PRKN: variants seen among roughly 807,000 people sequenced by gnomAD.
PRKN encodes E3 ubiquitin-protein ligase parkin.
In PRKN, 56 loss-of-function variants were observed where a neutral mutation model predicts 59.5. The ratio of observed to expected loss-of-function variants is 0.94; its 90% CI spans 0.76 to 1.18. PRKN has a LOEUF of 1.18. Ranked by LOEUF, PRKN falls within the 50% of genes most tolerant of loss-of-function variation. PRKN has a pLI of 0.00. For synonymous variants in PRKN, 250 were observed against 222.1 expected, an observed-to-expected ratio of 1.13 and a Z score of -1.12; for missense variants, 657 against 596.4, an observed-to-expected ratio of 1.10 and a Z score of -1.06.
At chr6:161,864,365 G>A (rs7756795) in intron 6 of PRKN, among the ~76,000 whole-genome samples, 10,836 of 152,082 alleles carry the variant, frequency 0.071, 1,291 homozygotes, top group African/African-American at 0.25. Flanking sequence ...CATAAGATGC[G>A]ATTCCTCACC....
chr6:161,779,434 T>TCTTTC (rs1790098998), intron 7 of PRKN, among the ~76,000 whole-genome samples: 5 of 96,600 alleles, frequency 5.2e-5, no homozygotes, highest in Non-Finnish European at 1.0e-4. Flanking sequence ...CTTTTTCTTT[T>TCTTTC]CTTTTCTTTT....
chr6:162,377,000 C>T (rs908883018), intron 2 of PRKN, among the ~76,000 whole-genome samples: 1 of 151,936 alleles, frequency 6.6e-6, no homozygotes, highest in Admixed American at 6.6e-5. Context: ...TTGAGTCATG[C>T]GCTGGACACA....
intron 2 of PRKN, among the ~76,000 whole-genome samples, chr6:162,370,129 C>T (rs921488271): frequency 4.6e-5 from 7 of 152,114 alleles, no homozygotes; most frequent in African/African-American, 9.7e-5. Context: ...TCACTGTAGT[C>T]GAAATGTTTC....
At chr6:161,759,829 G>C (rs1367352525) in intron 7 of PRKN, among the ~76,000 whole-genome samples, 1 of 152,030 alleles carries the variant, frequency 6.6e-6, no homozygotes, top group Non-Finnish European at 1.5e-5. Context: ...CCCAGATTTA[G>C]AAATATGTAC....
Position 161,353,974 on chromosome 6 carries a change from G to C in PRKN, c.1286-3763C>G, listed in dbSNP as rs1784658670. On this transcript the variant is annotated intron_variant, in intron 11 of 11. Transcript: ENST00000366898. The surrounding 1 kb of genome is among the most constrained non-coding windows in gnomAD (Gnocchi z 4.8). ...TGTGCTGACTGTTGTTATTGAATGA[G>C]AGAATAGAAGAAGCATGTTGTTTGT... 6.6e-6 allele frequency among the ~76,000 whole-genome samples: 1 copy of C among 152,184 alleles called. No homozygotes were observed. The highest frequency in any genetic ancestry group is 1.5e-5 in the Non-Finnish European group (1 of 68,034).
At chr6:161,906,659 C>CACATATATATATATATATATATAT (rs1778154516) in intron 6 of PRKN, among the ~76,000 whole-genome samples, 1 of 116,588 alleles carries the variant, frequency 8.6e-6, no homozygotes, top group Admixed American at 8.1e-5. Context: ...ATAGAACATA[C>CACATATATATATATATATATATAT]ATATATATAT....
At chr6:161,804,971 G>T (rs1432122978) in intron 6 of PRKN, among the ~76,000 whole-genome samples, 1 of 152,150 alleles carries the variant, frequency 6.6e-6, no homozygotes, top group Non-Finnish European at 1.5e-5. Flanking sequence ...TAAATAACTT[G>T]CCAAAGGTGA....
chr6:161,485,158 G>T (rs555100547), intron 9 of PRKN, among the ~76,000 whole-genome samples: 32 of 152,298 alleles, frequency 2.1e-4, no homozygotes, highest in Non-Finnish European at 3.2e-4. Flanking sequence ...AATTCATTGT[G>T]TACCGAGCCA....
chr6:162,009,585 C>G (rs974498114), intron 5 of PRKN, among the ~76,000 whole-genome samples: 2 of 151,764 alleles, frequency 1.3e-5, no homozygotes, highest in African/African-American at 2.4e-5. Context: ...GTAACCTTTG[C>G]ACACTAAATA....
At chr6:162,501,670 C>CT (rs1793383526) in intron 1 of PRKN, among the ~76,000 whole-genome samples, 1 of 151,946 alleles carries the variant, frequency 6.6e-6, no homozygotes, top group Non-Finnish European at 1.5e-5. Flanking sequence ...TCCTAAAACT[C>CT]TAACCTGTGA....
At chr6:162,313,011 A>AT (rs1337448743) in intron 2 of PRKN, among the ~76,000 whole-genome samples, 17 of 152,314 alleles carry the variant, frequency 1.1e-4, no homozygotes, top group African/African-American at 3.8e-4. Flanking sequence ...AATAATCTTG[A>AT]TTGACCTATG....
intron 9 of PRKN, among the ~76,000 whole-genome samples, chr6:161,506,457 T>G (rs1293205647): frequency 6.6e-6 from 1 of 152,224 alleles, no homozygotes; most frequent in Admixed American, 6.5e-5. Flanking sequence ...AGATATACAA[T>G]CATGTCATCT....
chr6:161,939,505 G>A (rs1307440058), intron 6 of PRKN, among the ~76,000 whole-genome samples: 1 of 150,968 alleles, frequency 6.6e-6, no homozygotes. Flanking sequence ...GCCGAGGCAG[G>A]CAGCTCACTT....
At chr6:162,690,128 C>CCATTATTTA (rs1562499289) in intron 1 of PRKN, among the ~76,000 whole-genome samples, 9 of 152,230 alleles carry the variant, frequency 5.9e-5, no homozygotes, top group East Asian at 1.9e-4. Context: ...AGAATGTACT[C>CCATTATTTA]GAATACAAAT....
chr6:161,620,628 C>T (rs1782861697), intron 7 of PRKN, among the ~76,000 whole-genome samples: 1 of 152,218 alleles, frequency 6.6e-6, no homozygotes, highest in Admixed American at 6.5e-5. Context: ...TTTGCATCGA[C>T]ATTTCCTGGA....
In PRKN at chr6:162,081,582, T is replaced by G. The variant is rs1030208003; in HGVS notation, c.535-27408A>C. ...TAAACCGTGCTGTAAACAGGTGTGC[T>G]GTCATCTAGGCTTTGTTGTTCCATT... is the stretch of plus-strand genomic sequence containing the variant. On this transcript the variant is annotated intron_variant, in intron 4 of 11. Transcript: ENST00000366898. Among the ~76,000 whole-genome samples the G allele has an allele frequency of 2.6e-5, 4 of 152,240 alleles. 1 individual carries two copies. The East Asian group carries it at 7.7e-4, about 29-fold the overall frequency.
Position 161,467,485 on chromosome 6 carries a change from A to G in PRKN, c.1084-80608T>C, listed in dbSNP as rs1303380476. Reference sequence around the variant, plus strand: ...AAGATGGGCATTTCTCTGTAAGCATATGGTCCAATGGGGAAGACCTAGATA... The same window carrying G: ...AAGATGGGCATTTCTCTGTAAGCATGTGGTCCAATGGGGAAGACCTAGATA... On this transcript the variant is annotated intron_variant, in intron 9 of 11. Transcript: ENST00000366898. This position sits in a 1 kb window ranked among gnomAD's most constrained non-coding sequence, Gnocchi z 4.3. 6.6e-6 allele frequency among the ~76,000 whole-genome samples: 1 copy of G among 152,210 alleles called. No homozygotes were observed. The highest frequency in any genetic ancestry group is 1.5e-5 in the Non-Finnish European group (1 of 68,040).
intron 5 of PRKN, among the ~76,000 whole-genome samples, chr6:162,047,250 C>A (rs1784288416): frequency 6.6e-6 from 1 of 152,150 alleles, no homozygotes; most frequent in Non-Finnish European, 1.5e-5. Flanking sequence ...TTGTCCTTTA[C>A]CTCTGTTTTC....
intron 9 of PRKN, among the ~76,000 whole-genome samples, chr6:161,523,803 G>A (rs1778923464): frequency 6.6e-6 from 1 of 151,996 alleles, no homozygotes; most frequent in Non-Finnish European, 1.5e-5. Context: ...TCTCCCTCCT[G>A]TTACTGTTTT....
Sources: allele counts gnomAD v4.1 joint callset (sites outside exome capture counted in the v4.1 genomes callset), GRCh38; gene constraint gnomAD v4.1.1; non-coding constraint Gnocchi (gnomAD v3.1); transcripts MANE v1.5; gene names NCBI Gene and HGNC (gene_info 2026-07-23, HGNC 2026-07-21).